The following WDFY3 variants were observed in gnomAD, a reference collection of about 807,000 sequenced individuals.
WDFY3 encodes WD repeat and FYVE domain containing 3, also known as WD repeat and FYVE domain-containing protein 3.
A neutral mutation model predicts 409.6 loss-of-function variants in WDFY3; 66 were observed. The observed-to-expected ratio is 0.16, with a 90% CI of 0.13 to 0.20. WDFY3 has a LOEUF of 0.20. Ranked by LOEUF, WDFY3 falls within the 10% of genes least tolerant of loss-of-function variation. The probability of loss-of-function intolerance (pLI) is 1.00; values close to 1 mark genes in which losing one functional copy is unlikely to be tolerated. For missense variants in WDFY3, 3,031 were observed against 4,298.1 expected (o/e 0.71, Z 8.24); for synonymous variants, 1,521 against 1,537.1 (o/e 0.99, Z 0.25).
chr4:84,911,555 C>T (rs1767794819), intron 2 of WDFY3, among the ~76,000 whole-genome samples: 1 of 152,158 alleles, frequency 6.6e-6, no homozygotes, highest in Non-Finnish European at 1.5e-5. Flanking sequence ...GATATATACA[C>T]TTGACCCTTA....
At chr4:84,682,067 C>T (rs10049510) in intron 64 of WDFY3, among the ~76,000 whole-genome samples, 9,916 of 152,186 alleles carry the variant, frequency 0.065, 1,127 homozygotes, top group African/African-American at 0.23. Context: ...AACAGCACGC[C>T]CTCTAGGTCT....
At chr4:84,742,280 A>G (rs904680960) in intron 37 of WDFY3, among the ~76,000 whole-genome samples, 2 of 152,182 alleles carry the variant, frequency 1.3e-5, no homozygotes, top group African/African-American at 2.4e-5. Context: ...GTATGTAATA[A>G]AGGGTAAAAC....
At chr4:84,808,499 G>C in intron 14 of WDFY3, 82 bp from the exon 15 acceptor site, 2 of 1,122,406 alleles carry the variant, frequency 1.8e-6, no homozygotes, top group Non-Finnish European at 2.7e-6. Context: ...AGTTTCACAA[G>C]AAATGCCAGT....
At chr4:84,720,501 C>G (rs561317725) in intron 47 of WDFY3, among the ~76,000 whole-genome samples, 3 of 152,134 alleles carry the variant, frequency 2.0e-5, no homozygotes, top group Non-Finnish European at 1.5e-5. Flanking sequence ...GTTGGAGGTG[C>G]GGCCTTATGG....
At chr4:84,807,992 G>C (rs1290274731) in intron 15 of WDFY3, among the ~76,000 whole-genome samples, 1 of 151,994 alleles carries the variant, frequency 6.6e-6, no homozygotes, top group East Asian at 1.9e-4. Flanking sequence ...AAGTGGAAAA[G>C]TATTCTACTT....
At chr4:84,839,380 T>G (rs1475946012) in intron 6 of WDFY3, among the ~76,000 whole-genome samples, 1 of 152,126 alleles carries the variant, frequency 6.6e-6, no homozygotes, top group Non-Finnish European at 1.5e-5. Flanking sequence ...ACTCATCCAG[T>G]AGAGTCAGAT....
chr4:84,791,366 A>G (rs1266491402), intron 21 of WDFY3, among the ~76,000 whole-genome samples: 1 of 152,178 alleles, frequency 6.6e-6, no homozygotes, highest in East Asian at 1.9e-4. Flanking sequence ...CAGAGAAACA[A>G]CGAATGAAAT....
intron 60 of WDFY3, 141 bp downstream of exon 60, chr4:84,691,490 G>C: frequency 1.2e-6 from 1 of 862,820 alleles, no homozygotes. Context: ...TCCCCAAATA[G>C]GAAAGCTCAC....
At chr4:84,959,206 G>C (rs974149670) in intron 1 of WDFY3, among the ~76,000 whole-genome samples, 1 of 151,994 alleles carries the variant, frequency 6.6e-6, no homozygotes, top group African/African-American at 2.4e-5. Context: ...GGAGAAGCTG[G>C]AGCCAGGTTA....
chr4:84,839,971 C>T (rs1224696386), intron 6 of WDFY3, among the ~76,000 whole-genome samples: 1 of 152,156 alleles, frequency 6.6e-6, no homozygotes, highest in Non-Finnish European at 1.5e-5. Context: ...GGGTTACTGA[C>T]AGGTTTCAGG....
At chr4:84,749,049 G>A (rs1740020589) in intron 36 of WDFY3, among the ~76,000 whole-genome samples, 1 of 151,832 alleles carries the variant, frequency 6.6e-6, no homozygotes, top group Non-Finnish European at 1.5e-5. Flanking sequence ...CCACAACACT[G>A]GCTATGGCTA....
In WDFY3 at chr4:84,705,404, C is replaced by T. The variant is rs759069166; in HGVS notation, c.8325G>A (p.Glu2775=). ...GAAAAAGTTCCTTACCATTAGGATC[C>T]TCCCAGTCTTTATACCGCTTCTTAT... is the stretch of plus-strand genomic sequence containing the variant. The part of the protein sequence containing the change: ...AQYKKRYKDW[E]DPNGETPAYH... Residue 2775 remains glutamate, a synonymous_variant, in exon 54 of 68, where the codon GAG becomes GAA. Coordinates refer to ENST00000295888, the MANE Select transcript of WDFY3 (RefSeq NM_014991.6). 3.7e-6 allele frequency: 6 copies of T among 1,613,166 alleles called. No individual in the cohort carries two copies. Among genetic ancestry groups the T allele is most frequent in the Admixed American group, 3.3e-5 (2 of 59,946 alleles).
chr4:84,698,288 A>T (rs994690857), intron 56 of WDFY3, among the ~76,000 whole-genome samples: 8 of 146,328 alleles, frequency 5.5e-5, no homozygotes, highest in Non-Finnish European at 1.1e-4. Context: ...ATATATATAT[A>T]TATTTTTTTT....
rs113791220 is a variant in WDFY3 at position 84,729,217 on chromosome 4, A to C, written c.7222-2306T>G. Reference sequence around the variant, plus strand: ...GAATTATAGAATTAAAGCCTAGTTAATATTTAAATATAATTTTTTTTTAAA... The same window carrying C: ...GAATTATAGAATTAAAGCCTAGTTACTATTTAAATATAATTTTTTTTTAAA... On this transcript the variant is annotated intron_variant, in intron 44 of 67. Transcript: ENST00000295888. 1.1e-3 allele frequency among the ~76,000 whole-genome samples: 161 copies of C among 152,126 alleles called. 1 individual carries two copies. The highest frequency in any genetic ancestry group is 3.8e-3 in the African/African-American group (156 of 41,548).
At chr4:84,958,183 TG>T (rs1774477714) in intron 1 of WDFY3, among the ~76,000 whole-genome samples, 1 of 152,196 alleles carries the variant, frequency 6.6e-6, no homozygotes, top group Non-Finnish European at 1.5e-5. Flanking sequence ...AGGCAGAGGC[TG>T]GTACAGGAAT....
At chr4:84,944,928 T>A (rs1194618958) in intron 1 of WDFY3, among the ~76,000 whole-genome samples, 3 of 152,224 alleles carry the variant, frequency 2.0e-5, no homozygotes, top group African/African-American at 7.2e-5. Context: ...GGAAAGCTTA[T>A]AATCCTTCCC....
At chr4:84,689,033 A>C (rs1578138804) in intron 61 of WDFY3, among the ~76,000 whole-genome samples, 1 of 152,212 alleles carries the variant, frequency 6.6e-6, no homozygotes, top group East Asian at 1.9e-4. Context: ...CTGGCAGAAA[A>C]ATATATCCGC....
At chr4:84,874,591 C>T (rs1205491225) in intron 3 of WDFY3, among the ~76,000 whole-genome samples, 7 of 152,262 alleles carry the variant, frequency 4.6e-5, no homozygotes, top group African/African-American at 1.7e-4. Flanking sequence ...GACTGTTAGG[C>T]CCTTTCAGTC....
chr4:84,674,486 C>T (rs1466640770), intron 67 of WDFY3, among the ~76,000 whole-genome samples: 1 of 152,018 alleles, frequency 6.6e-6, no homozygotes, highest in Non-Finnish European at 1.5e-5. Context: ...GGGAGGACTG[C>T]TTGAGCCTGG....
Sources: gnomAD v4.1 joint callset for allele counts (sites outside exome capture counted in the v4.1 genomes callset) on GRCh38, gnomAD v4.1.1 for gene constraint, MANE v1.5 for transcripts, NCBI Gene and HGNC (gene_info 2026-07-23, HGNC 2026-07-21) for gene names.